The following RSRC1 variants were observed in gnomAD, a reference collection of about 807,000 sequenced individuals.
RSRC1 encodes the protein serine/Arginine-related protein 53.
A neutral mutation model predicts 49.1 loss-of-function variants in RSRC1; 39 were observed. That is an observed-to-expected ratio of 0.79 (90% confidence interval 0.61 to 1.04). The LOEUF (loss-of-function observed/expected upper bound fraction) is 1.04. Ranked by LOEUF, RSRC1 falls within the 50% of genes least tolerant of loss-of-function variation. The pLI is 0.00. For missense variants in RSRC1, 388 were observed against 402.4 expected (o/e 0.96, Z 0.31); for synonymous variants, 143 against 130.8 (o/e 1.09, Z -0.63).
intron 6 of RSRC1, among the ~76,000 whole-genome samples, chr3:158,438,996 G>A (rs1736216618): frequency 6.6e-6 from 1 of 152,116 alleles, no homozygotes; most frequent in Admixed American, 6.5e-5. Context: ...ATCAAAAAGT[G>A]GGCGAAGGAT....
At chr3:158,175,598 G>A (rs992016933) in intron 3 of RSRC1, among the ~76,000 whole-genome samples, 1 of 151,938 alleles carries the variant, frequency 6.6e-6, no homozygotes, top group Non-Finnish European at 1.5e-5. Context: ...TATATGGTTG[G>A]TTCATATGGA....
intron 7 of RSRC1, among the ~76,000 whole-genome samples, chr3:158,487,671 G>C (rs1033718074): frequency 1.3e-5 from 2 of 151,926 alleles, no homozygotes; most frequent in Non-Finnish European, 2.9e-5. Context: ...TAAAAAACTG[G>C]CCAGGCAGTG....
At chr3:158,430,812 T>C (rs1735737705) in intron 6 of RSRC1, among the ~76,000 whole-genome samples, 5 of 151,946 alleles carry the variant, frequency 3.3e-5, no homozygotes, top group Admixed American at 3.3e-4. Context: ...TTAACCAATA[T>C]TTTTTGAATT....
At chr3:158,380,386 G>C (rs571662444) in intron 6 of RSRC1, among the ~76,000 whole-genome samples, 1 of 152,228 alleles carries the variant, frequency 6.6e-6, no homozygotes, top group Non-Finnish European at 1.5e-5. Context: ...CTTGAGCCCA[G>C]GAGTTCAAGG....
intron 4 of RSRC1, chr3:158,276,322 A>G: frequency 2.6e-6 from 2 of 764,746 alleles, no homozygotes; most frequent in Non-Finnish European, 4.8e-6. Context: ...TGGAGAGCAG[A>G]GAGCTGGCGG....
At chr3:158,327,587 G>A (rs1358377784) in intron 5 of RSRC1, among the ~76,000 whole-genome samples, 1 of 152,068 alleles carries the variant, frequency 6.6e-6, no homozygotes, top group African/African-American at 2.4e-5. Context: ...TTGCACTGTG[G>A]TCTGAGAGAC....
chr3:158,180,448 GTT>G (rs1491144563), intron 3 of RSRC1, among the ~76,000 whole-genome samples: 1 of 119,258 alleles, frequency 8.4e-6, no homozygotes, highest in African/African-American at 3.2e-5. Context: ...GTGTGTGTGT[GTT>G]TATGTGTCTG....
intron 6 of RSRC1, among the ~76,000 whole-genome samples, chr3:158,417,902 A>G (rs1250081870): frequency 6.6e-6 from 1 of 151,910 alleles, no homozygotes; most frequent in African/African-American, 2.4e-5. Flanking sequence ...AGAAAAATAA[A>G]ACAAAATTCA....
chr3:158,284,680 A>C (rs1233923094), intron 4 of RSRC1, among the ~76,000 whole-genome samples: 1 of 151,790 alleles, frequency 6.6e-6, no homozygotes, highest in Non-Finnish European at 1.5e-5. Flanking sequence ...TTTTGGCTGC[A>C]TAAATGCCTT....
chr3:158,179,753 C>T (rs1320938352), intron 3 of RSRC1, among the ~76,000 whole-genome samples: 1 of 152,072 alleles, frequency 6.6e-6, no homozygotes, highest in Middle Eastern at 3.2e-3. Flanking sequence ...AATAAATACC[C>T]AAGTGTACTC....
rs535356090 is a variant in RSRC1 at position 158,351,753 on chromosome 3, T to A, written c.532-3104T>A. ...TTCATCATTTACAAGTAGAGGCAAGTTACTAAACTGCTGTTATTTCCTGGT... is the reference window on the plus strand; with the variant it reads ...TTCATCATTTACAAGTAGAGGCAAGATACTAAACTGCTGTTATTTCCTGGT... On this transcript the variant is annotated intron_variant, in intron 5 of 9. Transcript: ENST00000611884. Among the ~76,000 whole-genome samples, 45 of 151,928 alleles carry A rather than the reference T, an allele frequency of 3.0e-4. No individual in the cohort carries two copies. In the Middle Eastern group the frequency reaches 0.01, roughly 35 times the overall value.
chr3:158,285,861 T>A (rs1216366691), intron 4 of RSRC1, among the ~76,000 whole-genome samples: 1 of 152,206 alleles, frequency 6.6e-6, no homozygotes, highest in Non-Finnish European at 1.5e-5. Context: ...GACTTCCTCT[T>A]TTCCTAATTG....
chr3:158,122,336 T>A (rs1715313940), intron 2 of RSRC1, 38 bp downstream of exon 2: 1 of 1,293,570 alleles, frequency 7.7e-7, no homozygotes, highest in East Asian at 2.8e-5. Context: ...GTAATGAGGA[T>A]AACATTCTTT....
intron 7 of RSRC1, among the ~76,000 whole-genome samples, chr3:158,516,177 T>G (rs1378419833): frequency 6.6e-6 from 1 of 152,190 alleles, no homozygotes; most frequent in Non-Finnish European, 1.5e-5. Flanking sequence ...AGGTGCTCGC[T>G]TTTTAGAGTT....
intron 4 of RSRC1, among the ~76,000 whole-genome samples, chr3:158,207,738 A>G (rs1721429617): frequency 6.6e-6 from 1 of 152,162 alleles, no homozygotes; most frequent in East Asian, 1.9e-4. Flanking sequence ...CAGTAAGTAC[A>G]GTAATGGTAA....
chr3:158,375,683 A>G (rs1330908639), intron 6 of RSRC1, among the ~76,000 whole-genome samples: 1 of 152,148 alleles, frequency 6.6e-6, no homozygotes, highest in Non-Finnish European at 1.5e-5. Flanking sequence ...AAACATAGTG[A>G]TGTAAATTTT....
At chr3:158,528,589 C>T (rs1712187232) in intron 7 of RSRC1, among the ~76,000 whole-genome samples, 1 of 151,886 alleles carries the variant, frequency 6.6e-6, no homozygotes, top group African/African-American at 2.4e-5. Context: ...ACAGCATTCA[C>T]TGCAAGTTCC....
intron 6 of RSRC1, among the ~76,000 whole-genome samples, chr3:158,399,769 A>AAC (rs1306588395): frequency 6.6e-6 from 1 of 152,128 alleles, no homozygotes; most frequent in African/African-American, 2.4e-5. Flanking sequence ...CCCATTGTGT[A>AAC]ACATTGCCTT....
chr3:158,399,752 G>C (rs2108306265), intron 6 of RSRC1, among the ~76,000 whole-genome samples: 1 of 152,230 alleles, frequency 6.6e-6, no homozygotes, highest in Admixed American at 6.5e-5. Flanking sequence ...TCTAGAGACT[G>C]TTCTTACCCA....
Sources: allele counts gnomAD v4.1 joint callset (sites outside exome capture counted in the v4.1 genomes callset), GRCh38; gene constraint gnomAD v4.1.1; transcripts MANE v1.5; gene names NCBI Gene and HGNC (gene_info 2026-07-23, HGNC 2026-07-21).